GREB1: variants seen among roughly 807,000 people sequenced by gnomAD.
GREB1 encodes the protein growth regulating estrogen receptor binding 1, also known as protein GREB1.
A neutral mutation model predicts 200.7 loss-of-function variants in GREB1; 106 were observed. The ratio of observed to expected loss-of-function variants is 0.53; its 90% CI spans 0.45 to 0.62. The LOEUF is 0.62. Among genes scored for constraint, GREB1 ranks in the 20% least tolerant of loss-of-function variants. GREB1 has a pLI of 0.00. For missense variants in GREB1, 2,243 were observed against 2,556.8 expected (o/e 0.88, Z 2.65); for synonymous variants, 1,132 against 1,092.4 (o/e 1.04, Z -0.72).
At chr2:11,489,956 A>G (rs1672742331) in intron 1 of GREB1, among the ~76,000 whole-genome samples, 1 of 119,418 alleles carries the variant, frequency 8.4e-6, no homozygotes, top group South Asian at 3.3e-4. Context: ...TTTATGTATT[A>G]TATTACTAGA....
At chr2:11,547,467 T>C (rs1245426574) in intron 1 of GREB1, among the ~76,000 whole-genome samples, 3 of 152,250 alleles carry the variant, frequency 2.0e-5, no homozygotes, top group Non-Finnish European at 2.9e-5. Flanking sequence ...GTGTCCTTCC[T>C]TTAATATTGG....
chr2:11,566,803 G>T, intron 4 of GREB1, 147 bp downstream of exon 4: 1 of 640,488 alleles, frequency 1.6e-6, no homozygotes, highest in Non-Finnish European at 2.6e-6. Context: ...TTTTTTGGTA[G>T]ATGAGTTCTT....
At chr2:11,511,094 G>A (rs1368631204) in intron 1 of GREB1, among the ~76,000 whole-genome samples, 1 of 152,180 alleles carries the variant, frequency 6.6e-6, no homozygotes, top group Non-Finnish European at 1.5e-5. Context: ...ATTGGCTTCT[G>A]CAGGGCCAAT....
At chr2:11,532,936 G>A (rs531533296), upstream of GREB1, among the ~76,000 whole-genome samples, 1 of 152,148 alleles carries the variant, frequency 6.6e-6, no homozygotes, top group Non-Finnish European at 1.5e-5. Flanking sequence ...TTATGATAGA[G>A]GTATTATTAT....
chr2:11,582,579 C>T (rs1558581662), intron 7 of GREB1, among the ~76,000 whole-genome samples: 1 of 152,170 alleles, frequency 6.6e-6, no homozygotes, highest in African/African-American at 2.4e-5. Context: ...GGCTCCCAGC[C>T]GTCCCAGGCT....
chr2:11,628,665 G>A (rs370839588), intron 25 of GREB1, among the ~76,000 whole-genome samples: 20 of 152,208 alleles, frequency 1.3e-4, no homozygotes, highest in East Asian at 7.7e-4. Flanking sequence ...ATGAAAACAC[G>A]TCCTTGATTT....
At chr2:11,587,682 G>T in intron 9 of GREB1, 3 of 1,185,552 alleles carry the variant, frequency 2.5e-6, no homozygotes, top group East Asian at 4.8e-5. Flanking sequence ...TGGAGTACCT[G>T]GAGTACAAGA....
At chr2:11,536,722 C>T (rs1421353020) in intron 1 of GREB1, among the ~76,000 whole-genome samples, 2 of 152,208 alleles carry the variant, frequency 1.3e-5, no homozygotes. Flanking sequence ...GGTGAGCTCT[C>T]TCCTCTTTAG....
chr2:11,573,104 G>A (rs1678477273), intron 4 of GREB1, among the ~76,000 whole-genome samples: 1 of 152,178 alleles, frequency 6.6e-6, no homozygotes, highest in Non-Finnish European at 1.5e-5. Flanking sequence ...CTGTAGTTAG[G>A]ATTTGAACCC....
At position 11,610,794 on chromosome 2, in the gene GREB1, TCGGTGGAGA is replaced by T; in HGVS notation, c.2776_2784del (p.Val926_Thr928del). The T allele has an allele frequency of 6.2e-7, 1 of 1,613,514 alleles. No individual in the cohort carries two copies. The highest frequency in any genetic ancestry group is 8.5e-7 in the Non-Finnish European group (1 of 1,179,992). On this transcript the variant is annotated inframe_deletion, in exon 18 of 33. Transcript: ENST00000381486. The stretch of plus-strand genomic sequence containing the variant: ...CCTCCCGCAGATGAAGAACTACACG[TCGGTGGAGA>T]CGCTGGAGATCACGCAGAACCTCCT...
intron 23 of GREB1, 140 bp from the exon 24 acceptor site, chr2:11,625,014 C>T: frequency 1.4e-6 from 1 of 700,862 alleles, no homozygotes; most frequent in Non-Finnish European, 2.5e-6. Flanking sequence ...TGTGTAAGTG[C>T]ACTCTAGGAT....
intron 1 of GREB1, among the ~76,000 whole-genome samples, chr2:11,541,630 A>T (rs1674762460): frequency 6.6e-6 from 1 of 151,996 alleles, no homozygotes; most frequent in Non-Finnish European, 1.5e-5. Context: ...GTCCTCTTTG[A>T]GTCTTGGTCT....
chr2:11,638,347 T>C (rs1685549227), intron 31 of GREB1, among the ~76,000 whole-genome samples: 1 of 152,096 alleles, frequency 6.6e-6, no homozygotes, highest in Admixed American at 6.5e-5. Flanking sequence ...CACTATGTTG[T>C]CCAGGCTGGT....
At chr2:11,486,328 G>A (rs1231507866) in intron 1 of GREB1, among the ~76,000 whole-genome samples, 2 of 152,044 alleles carry the variant, frequency 1.3e-5, no homozygotes, top group Non-Finnish European at 2.9e-5. Context: ...AGTTTTAATT[G>A]TAATTTTTGT....
upstream of GREB1, among the ~76,000 whole-genome samples, chr2:11,530,964 A>G (rs1169434353): frequency 6.6e-6 from 1 of 152,094 alleles, no homozygotes; most frequent in Non-Finnish European, 1.5e-5. Context: ...CTGGCCAGAG[A>G]AGCCCTTTGT....
At chr2:11,586,357 G>A (rs1680090563) in intron 9 of GREB1, among the ~76,000 whole-genome samples, 1 of 152,212 alleles carries the variant, frequency 6.6e-6, no homozygotes, top group Non-Finnish European at 1.5e-5. Flanking sequence ...AATCTACTTT[G>A]GTTGGGCAAA....
Position 11,585,804 on chromosome 2 carries a change from G to T in GREB1, c.1058G>T (p.Gly353Val). 1 of 1,613,678 alleles carries T rather than the reference G, an allele frequency of 6.2e-7. No individual in the cohort carries two copies. Among genetic ancestry groups the T allele is most frequent in the Non-Finnish European group, 8.5e-7 (1 of 1,180,020 alleles). ...TGCGTGCCGCAGGTTGGCTTGGTGG[G>T]ACCAGCTTCAGTCACCTTTCCAGTG... is the stretch of plus-strand genomic sequence containing the variant. ...MSCVPQVGLV[G>V]PASVTFPVVA... Residue 353 changes from glycine to valine, a missense_variant, in exon 9 of 33, where the codon GGA (glycine) becomes GTA (valine). By Grantham distance (109) the Gly-to-Val change is moderately radical. Coordinates refer to ENST00000381486, the MANE Select transcript of GREB1 (RefSeq NM_014668.4).
chr2:11,597,540 G>A lies in GREB1; in HGVS notation c.1955-241G>A, dbSNP rs973965066. On this transcript the variant is annotated intron_variant, in intron 13 of 32. Transcript: ENST00000381486. The surrounding 1 kb of genome is among the most constrained non-coding windows in gnomAD (Gnocchi z 4.1). ...CCACTGCCTCCACTGTGCTCCCCAA[G>A]TGCTTGGTTCTTATTTTTATTATTA... Among the ~76,000 whole-genome samples the A allele has an allele frequency of 1.3e-5, 2 of 152,080 alleles. No homozygotes were observed. Among genetic ancestry groups the A allele is most frequent in the Non-Finnish European group, 2.9e-5 (2 of 68,026 alleles).
At chr2:11,533,908 A>G (rs11684917), upstream of GREB1, among the ~76,000 whole-genome samples, 13,898 of 152,300 alleles carry the variant, frequency 0.091, 888 homozygotes, top group Non-Finnish European at 0.14. Flanking sequence ...TTATTGCACC[A>G]TGCAAGATTG....
Sources: allele counts gnomAD v4.1 joint callset (sites outside exome capture counted in the v4.1 genomes callset), GRCh38; gene constraint gnomAD v4.1.1; non-coding constraint Gnocchi (gnomAD v3.1); transcripts MANE v1.5; gene names NCBI Gene and HGNC (gene_info 2026-07-23, HGNC 2026-07-21).